NRXN1: variants seen among roughly 807,000 people sequenced by gnomAD.
NRXN1 encodes the protein neurexin-1.
In NRXN1, 39 loss-of-function variants were observed where a neutral mutation model predicts 150.9. The ratio of observed to expected loss-of-function variants is 0.26; its 90% CI spans 0.20 to 0.34. The LOEUF is 0.34. Ranked by LOEUF, NRXN1 falls within the 10% of genes least tolerant of loss-of-function variation. The pLI, the probability that NRXN1 is intolerant of heterozygous loss-of-function variation, is 1.00. For missense variants in NRXN1, 1,815 were observed against 1,949.9 expected (o/e 0.93, Z 1.30); for synonymous variants, 924 against 757.0 (o/e 1.22, Z -3.62).
chr2:50,874,851 T>C (rs1002338941), intron 5 of NRXN1, among the ~76,000 whole-genome samples: 5 of 151,782 alleles, frequency 3.3e-5, no homozygotes, highest in Non-Finnish European at 7.4e-5. Context: ...ATATACTACG[T>C]TGAGAAATGG....
intron 10 of NRXN1, among the ~76,000 whole-genome samples, chr2:50,533,419 C>G (rs1433201876): frequency 1.3e-5 from 2 of 152,184 alleles, no homozygotes; most frequent in East Asian, 3.9e-4. Context: ...CTTCAGTCTT[C>G]TCCATCTCAG....
At chr2:50,643,285 A>G (rs79782443) in intron 5 of NRXN1, among the ~76,000 whole-genome samples, 15,041 of 151,786 alleles carry the variant, frequency 0.099, 735 homozygotes, top group Middle Eastern at 0.12. Context: ...CCAATCCTTT[A>G]TTTTCTCCTC....
At chr2:50,546,002 AT>A (rs2093485129) in intron 9 of NRXN1, among the ~76,000 whole-genome samples, 1 of 152,070 alleles carries the variant, frequency 6.6e-6, no homozygotes, top group Non-Finnish European at 1.5e-5. Context: ...AGCAGACTCA[AT>A]TTTTTTCCAA....
intron 18 of NRXN1, among the ~76,000 whole-genome samples, chr2:50,143,122 G>A (rs1310487697): frequency 1.3e-5 from 2 of 150,322 alleles, no homozygotes; most frequent in East Asian, 3.9e-4. Flanking sequence ...ATAGAAAGAA[G>A]GAAAGAAGGA....
intron 2 of NRXN1, among the ~76,000 whole-genome samples, chr2:51,001,534 T>TGAGCTCCCC (rs1349009699): frequency 1.3e-5 from 2 of 152,016 alleles, no homozygotes; most frequent in African/African-American, 4.8e-5. Context: ...CCAGTTTTAC[T>TGAGCTCCCC]GAGCTCCCCT....
At chr2:50,298,234 T>G (rs902682972) in intron 17 of NRXN1, among the ~76,000 whole-genome samples, 2 of 152,158 alleles carry the variant, frequency 1.3e-5, no homozygotes, top group African/African-American at 4.8e-5. Flanking sequence ...GAAAATTATT[T>G]TTTTAAGGCA....
intron 5 of NRXN1, among the ~76,000 whole-genome samples, chr2:50,813,785 A>G (rs1668551678): frequency 6.6e-6 from 1 of 152,156 alleles, no homozygotes; most frequent in Admixed American, 6.6e-5. Flanking sequence ...TCCCGCCACA[A>G]TCTCTTACCC....
intron 17 of NRXN1, among the ~76,000 whole-genome samples, chr2:50,299,952 C>T (rs2152953629): frequency 6.6e-6 from 1 of 152,286 alleles, no homozygotes; most frequent in East Asian, 1.9e-4. Context: ...AAGGATCAAA[C>T]TCCCATCACC....
chr2:50,157,029 A>G (rs528892741), intron 18 of NRXN1, among the ~76,000 whole-genome samples: 9 of 152,046 alleles, frequency 5.9e-5, no homozygotes, highest in African/African-American at 9.7e-5. Context: ...CCATTTAACC[A>G]TCTTCTTAAG....
chr2:50,528,740 G>T, intron 11 of NRXN1, 89 bp from the exon 12 acceptor site: 1 of 760,684 alleles, frequency 1.3e-6, no homozygotes, highest in South Asian at 1.7e-5. Context: ...CCACCCTTCC[G>T]GGGACAGACA....
chr2:49,974,298 G>A (rs1052319255), intron 21 of NRXN1: 1 of 535,048 alleles, frequency 1.9e-6, no homozygotes, highest in Non-Finnish European at 3.6e-6. Context: ...CGAGGCTGTT[G>A]GTACACAGCC....
intron 5 of NRXN1, among the ~76,000 whole-genome samples, chr2:50,864,065 T>C (rs550755166): frequency 6.6e-6 from 1 of 152,038 alleles, no homozygotes; most frequent in African/African-American, 2.4e-5. Flanking sequence ...TGTGCAGAGA[T>C]TTTCCGTTGG....
chr2:50,399,261 A>G (rs550382101), intron 17 of NRXN1, among the ~76,000 whole-genome samples: 2 of 152,246 alleles, frequency 1.3e-5, no homozygotes, highest in Non-Finnish European at 2.9e-5. Flanking sequence ...TATATTTCCC[A>G]TTATTAAACC....
intron 18 of NRXN1, among the ~76,000 whole-genome samples, chr2:50,228,016 A>T (rs975647553): frequency 6.6e-6 from 1 of 152,056 alleles, no homozygotes; most frequent in Non-Finnish European, 1.5e-5. Flanking sequence ...CTTCTGATGG[A>T]AAATTTAGAT....
chr2:50,319,043 A>C (rs755997140), intron 17 of NRXN1, among the ~76,000 whole-genome samples: 1 of 152,144 alleles, frequency 6.6e-6, no homozygotes, highest in South Asian at 2.1e-4. Flanking sequence ...TTTTCTTTTA[A>C]ACTAAATGTT....
intron 19 of NRXN1, among the ~76,000 whole-genome samples, chr2:50,068,923 A>T (rs1446974910): frequency 3.3e-5 from 5 of 152,170 alleles, no homozygotes; most frequent in Non-Finnish European, 7.4e-5. Context: ...AAATCACTGC[A>T]CTTTCTCCCA....
chr2:50,601,297 C>T (rs1676228927), intron 8 of NRXN1, among the ~76,000 whole-genome samples: 1 of 152,116 alleles, frequency 6.6e-6, no homozygotes, highest in South Asian at 2.1e-4. Flanking sequence ...TTTCAGCATT[C>T]ATCAGACTGA....
intron 17 of NRXN1, among the ~76,000 whole-genome samples, chr2:50,329,386 G>A (rs1434853499): frequency 6.6e-6 from 1 of 151,052 alleles, no homozygotes; most frequent in African/African-American, 2.4e-5. Context: ...GATAAGGACT[G>A]AAAATAATAA....
chr2:50,394,206 C>G lies in NRXN1; in HGVS notation c.3364+71236G>C, dbSNP rs561287467. 2.6e-5 allele frequency among the ~76,000 whole-genome samples: 4 copies of G among 152,174 alleles called. No homozygotes were observed. In the South Asian group the frequency reaches 8.3e-4, roughly 32 times the overall value. On this transcript the variant is annotated intron_variant, in intron 17 of 22. Transcript: ENST00000401669. ...TTTCATCTTGTCCTGCGACTACAATCTATCTATATGTGATGATGCTTATGC... is the reference window on the plus strand; with the variant it reads ...TTTCATCTTGTCCTGCGACTACAATGTATCTATATGTGATGATGCTTATGC...
Sources: gnomAD v4.1 joint callset for allele counts (sites outside exome capture counted in the v4.1 genomes callset) on GRCh38, gnomAD v4.1.1 for gene constraint, MANE v1.5 for transcripts, NCBI Gene and HGNC (gene_info 2026-07-23, HGNC 2026-07-21) for gene names.